Variants in ZNF273 observed in about 807,000 individuals in gnomAD.
The protein encoded by ZNF273 is zinc finger protein 9.
Under a neutral mutation model 14.9 loss-of-function variants are expected in ZNF273, and 11 were observed. The observed-to-expected ratio is 0.74, with a 90% CI of 0.46 to 1.22. The LOEUF is 1.22. ZNF273 is among the 50% of genes most tolerant of loss of function. ZNF273 has a pLI of 0.00. For synonymous variants in ZNF273, 199 were observed against 223.9 expected, an observed-to-expected ratio of 0.89 and a Z score of 0.99; for missense variants, 577 against 660.6, an observed-to-expected ratio of 0.87 and a Z score of 1.39.
chr7:64,882,849 G>C (rs578198848), downstream of ZNF273: 1 of 152,332 alleles, frequency 6.6e-6, no homozygotes, highest in South Asian at 2.1e-4. Context: ...GTTCCCCGGG[G>C]CTGCCCTCTC....
chr7:64,925,937 T>C (rs775083270), intron 3 of ZNF273, among the ~76,000 whole-genome samples: 2 of 152,250 alleles, frequency 1.3e-5, no homozygotes, highest in Non-Finnish European at 2.9e-5. Context: ...TGTATGTGCA[T>C]GTCTCTCCCA....
chr7:64,890,733 A>C (rs749234648), downstream of ZNF273, among the ~76,000 whole-genome samples: 3 of 152,128 alleles, frequency 2.0e-5, no homozygotes, highest in Non-Finnish European at 2.9e-5. Flanking sequence ...ATCTGTTTTC[A>C]TCCTCATTGT....
intron 3 of ZNF273, among the ~76,000 whole-genome samples, chr7:64,895,712 T>C (rs1332860191): frequency 1.3e-5 from 2 of 152,246 alleles, no homozygotes; most frequent in African/African-American, 4.8e-5. Flanking sequence ...TAGTCTCTAA[T>C]GAGGTTATAA....
exon 4 of ZNF273, chr7:64,897,893 AT>A (rs5884550): frequency 0.46 from 68,736 of 149,270 alleles, 15,902 homozygotes; most frequent in Admixed American, 0.51. Flanking sequence ...CGCCCGGCTA[AT>A]TTTTTGTATT....
At position 64,928,166 on chromosome 7, in the gene ZNF273, CAT is replaced by C. The variant is rs771968642; in HGVS notation, c.840_841del (p.His280GlnfsTer6). On this transcript the variant is annotated frameshift_variant, in exon 4 of 4. Coordinates refer to ENST00000476120, the MANE Select transcript of ZNF273 (RefSeq NM_021148.3). LOFTEE classifies it low-confidence loss of function (END_TRUNC). ...AFNQSLTLTK[H>X]KKIHTEEKPY... ...TAACCAGTCCTTAACTCTTACTAAA[CAT>C]AAAAAAATTCATACTGAAGAGAAAC... is the stretch of plus-strand genomic sequence containing the variant. The C allele has an allele frequency of 9.3e-6, 15 of 1,612,968 alleles. No individual in the cohort carries two copies. Among genetic ancestry groups the C allele is most frequent in the Non-Finnish European group, 1.3e-5 (15 of 1,179,676 alleles).
At chr7:64,886,107 A>C (rs192389531) in intron 1 of ZNF273, among the ~76,000 whole-genome samples, 357 of 152,334 alleles carry the variant, frequency 2.3e-3, no homozygotes, top group African/African-American at 8.1e-3. Context: ...CCACCTCTGC[A>C]AGGCAGCTTC....
chr7:64,934,140 C>T (rs1795042187), downstream of ZNF273, among the ~76,000 whole-genome samples: 1 of 152,150 alleles, frequency 6.6e-6, no homozygotes, highest in Non-Finnish European at 1.5e-5. Context: ...AGTGATCTGC[C>T]CGCATTGGTC....
chr7:64,891,835 C>G (rs1190137741), downstream of ZNF273, among the ~76,000 whole-genome samples: 2 of 152,224 alleles, frequency 1.3e-5, no homozygotes, highest in African/African-American at 4.8e-5. Context: ...CTAAACCTTT[C>G]AGACCCATGT....
chr7:64,936,193 AATTAGCAAAAGATTT>A, the ZNF273 span, among the ~76,000 whole-genome samples: 2 of 152,250 alleles, frequency 1.3e-5, no homozygotes, highest in Non-Finnish European at 2.9e-5. Context: ...CTGGTCTTTC[AATTAGCAAAAGATTT>A]ATTTTTCAGC....
At chr7:64,932,550 C>T (rs1319844427), downstream of ZNF273, among the ~76,000 whole-genome samples, 1 of 152,062 alleles carries the variant, frequency 6.6e-6, no homozygotes, top group Non-Finnish European at 1.5e-5. Flanking sequence ...GTGATCCGCC[C>T]ACCTCCGCCT....
At chr7:64,901,128 G>A (rs1231894326), upstream of ZNF273, among the ~76,000 whole-genome samples, 2 of 151,738 alleles carry the variant, frequency 1.3e-5, no homozygotes, top group South Asian at 2.1e-4. Context: ...TTAGCCTCCC[G>A]AGTTGCTGGG....
downstream of ZNF273, among the ~76,000 whole-genome samples, chr7:64,893,035 G>C (rs1037007407): frequency 6.6e-6 from 1 of 152,098 alleles, no homozygotes; most frequent in Non-Finnish European, 1.5e-5. Context: ...ACAGCTGCCG[G>C]CATTCACCCT....
intron 1 of ZNF273, among the ~76,000 whole-genome samples, chr7:64,885,889 A>G (rs1412544641): frequency 6.6e-6 from 1 of 152,246 alleles, no homozygotes; most frequent in Non-Finnish European, 1.5e-5. Flanking sequence ...TTTTCTTCCT[A>G]GACCAGCATG....
At chr7:64,888,662 G>T (rs1030404547) in exon 2 of ZNF273, 168 of 985,644 alleles carry the variant, frequency 1.7e-4, no homozygotes, top group Non-Finnish European at 1.9e-4. Flanking sequence ...TGACCAGGGG[G>T]CCGCGTCTTC....
At chr7:64,933,465 A>C (rs1795032322), downstream of ZNF273, 1 of 152,182 alleles carries the variant, frequency 6.6e-6, no homozygotes. Context: ...GAATGGTGTC[A>C]TGGGACCATA....
chr7:64,892,296 G>T (rs1792083019), downstream of ZNF273, among the ~76,000 whole-genome samples: 2 of 152,218 alleles, frequency 1.3e-5, no homozygotes, highest in Admixed American at 1.3e-4. Context: ...GAACCAGCTA[G>T]ACCTGCCAGA....
intron 3 of ZNF273, among the ~76,000 whole-genome samples, chr7:64,925,236 T>C (rs1434000827): frequency 6.6e-6 from 1 of 152,072 alleles, no homozygotes; most frequent in African/African-American, 2.4e-5. Context: ...ATTTGATTCT[T>C]GTATCTTTGT....
At chr7:64,918,328 CAGA>C in intron 3 of ZNF273, 36 bp downstream of exon 3, 1 of 1,510,832 alleles carries the variant, frequency 6.6e-7, no homozygotes, top group South Asian at 1.1e-5. Flanking sequence ...ACAGATGACA[CAGA>C]TGACAGGTCT....
intron 1 of ZNF273, among the ~76,000 whole-genome samples, chr7:64,916,142 T>G (rs1009198161): frequency 6.7e-6 from 1 of 150,240 alleles, no homozygotes; most frequent in Non-Finnish European, 1.5e-5. Context: ...GTTGTAGTGA[T>G]CAGAGATTGC....
Sources: allele counts gnomAD v4.1 joint callset (sites outside exome capture counted in the v4.1 genomes callset), GRCh38; gene constraint gnomAD v4.1.1; transcripts MANE v1.5; gene names NCBI Gene and HGNC (gene_info 2026-07-23, HGNC 2026-07-21).